Variants in C1orf105 observed in about 807,000 individuals in gnomAD.
C1orf105 encodes the protein chromosome 1 open reading frame 105.
In C1orf105, 17 loss-of-function variants were observed where a neutral mutation model predicts 20.8. The observed-to-expected ratio is 0.82, with a 90% CI of 0.56 to 1.23. C1orf105 has a LOEUF of 1.23. C1orf105 is among the 50% of genes most tolerant of loss of function. The pLI, the probability that C1orf105 is intolerant of heterozygous loss-of-function variation, is 0.00. For synonymous variants in C1orf105, 72 were observed against 72.1 expected, an observed-to-expected ratio of 1.00 and a Z score of 0.01; for missense variants, 219 against 213.5, an observed-to-expected ratio of 1.03 and a Z score of -0.16.
intron 1 of C1orf105, chr1:172,441,738 G>A: frequency 6.5e-7 from 1 of 1,543,254 alleles, no homozygotes. Context: ...TTTAACTGAG[G>A]AACCTGGACA....
At chr1:172,448,178 G>A (rs1327432050) in intron 2 of C1orf105, among the ~76,000 whole-genome samples, 3 of 152,216 alleles carry the variant, frequency 2.0e-5, no homozygotes, top group Non-Finnish European at 4.4e-5. Flanking sequence ...ATCTACTGTT[G>A]TGAACAATCT....
rs200105210 is a variant in C1orf105, at chr1:172,442,178, T to C, written c.22-2895T>C. ...AGCATGAAGACTGACATGGCATAGATGGTGTCAGTGCTGACAGACTCTGTA... is the reference window on the plus strand; with the variant it reads ...AGCATGAAGACTGACATGGCATAGACGGTGTCAGTGCTGACAGACTCTGTA... On this transcript the variant is annotated intron_variant, in intron 1 of 6. Transcript: ENST00000367727. 2.8e-4 allele frequency: 453 copies of C among 1,613,800 alleles called. 1 individual carries two copies. The highest frequency in any genetic ancestry group is 3.5e-4 in the Non-Finnish European group (417 of 1,179,770).
At chr1:172,456,579 C>T (rs185582434) in intron 4 of C1orf105, 90 bp downstream of exon 4, 24 of 1,294,502 alleles carry the variant, frequency 1.9e-5, no homozygotes, top group South Asian at 6.2e-5. Flanking sequence ...GAGATAGTGA[C>T]GGGGCCCGTT....
chr1:172,456,653 G>A (rs1331853553), intron 4 of C1orf105, among the ~76,000 whole-genome samples, 164 bp downstream of exon 4: 2 of 152,206 alleles, frequency 1.3e-5, no homozygotes, highest in Non-Finnish European at 2.9e-5. Flanking sequence ...AGCATCGACT[G>A]ACAGAACATG....
intron 3 of C1orf105, among the ~76,000 whole-genome samples, chr1:172,454,375 T>C (rs953112916): frequency 2.6e-5 from 4 of 151,700 alleles, no homozygotes; most frequent in Admixed American, 2.6e-4. Context: ...GTTTCAGAAA[T>C]GTACCTCACT....
intron 2 of C1orf105, 146 bp downstream of exon 2, chr1:172,445,304 G>A (rs74126218): frequency 0.021 from 14,803 of 703,322 alleles, 212 homozygotes; most frequent in African/African-American, 0.04. Flanking sequence ...GAAATAATCC[G>A]GGTTTCTCAG....
chr1:172,454,317 G>A (rs918855858), intron 3 of C1orf105, among the ~76,000 whole-genome samples: 3 of 151,456 alleles, frequency 2.0e-5, no homozygotes, highest in Non-Finnish European at 4.4e-5. Flanking sequence ...AGGCACAGAG[G>A]TATTAGTGCC....
intron 4 of C1orf105, among the ~76,000 whole-genome samples, chr1:172,461,554 T>A (rs1417016979): frequency 1.3e-5 from 2 of 152,242 alleles, no homozygotes; most frequent in African/African-American, 4.8e-5. Context: ...AAGAAAGTGA[T>A]GTTTCTTAAC....
chr1:172,434,395 C>T (rs1180418685), intron 1 of C1orf105, among the ~76,000 whole-genome samples: 2 of 152,304 alleles, frequency 1.3e-5, no homozygotes, highest in Admixed American at 6.5e-5. Flanking sequence ...GAAATCACAA[C>T]AAACTGTCTC....
At chr1:172,465,255 C>T in intron 5 of C1orf105, 44 bp from the exon 6 acceptor site, 2 of 1,266,530 alleles carry the variant, frequency 1.6e-6, no homozygotes, top group Non-Finnish European at 2.3e-6. Context: ...TTCTACCAAG[C>T]CCTAGCCAAT....
At chr1:172,446,695 C>T (rs1044840452) in intron 2 of C1orf105, among the ~76,000 whole-genome samples, 1 of 152,190 alleles carries the variant, frequency 6.6e-6, no homozygotes, top group African/African-American at 2.4e-5. Context: ...ATTACACAAG[C>T]CTTTGGCAGA....
intron 3 of C1orf105, among the ~76,000 whole-genome samples, chr1:172,453,683 T>G (rs1433646099): frequency 6.6e-6 from 1 of 152,202 alleles, no homozygotes; most frequent in Non-Finnish European, 1.5e-5. Context: ...TGCTCTTAAA[T>G]ATAATAACTC....
chr1:172,433,546 C>T (rs2071938125), intron 1 of C1orf105, among the ~76,000 whole-genome samples: 1 of 152,152 alleles, frequency 6.6e-6, no homozygotes, highest in African/African-American at 2.4e-5. Context: ...TACGGACAAA[C>T]AAATGCTGAG....
Position 172,445,166 on chromosome 1 carries a change from C to G in C1orf105, c.107+8C>G, listed in dbSNP as rs1223622663. On this transcript the variant is annotated splice_region_variant and intron_variant, in intron 2 of 6. Transcript: ENST00000367727. ...GCTCAGCCTTCCCAGAAGGTAACCT[C>G]TCAGCCACCGAGGGCAAAAGTTTTA... 1 of 1,605,976 alleles carries G rather than the reference C, an allele frequency of 6.2e-7. No individual in the cohort carries two copies. Among genetic ancestry groups the G allele is most frequent in the Admixed American group, 1.7e-5 (1 of 58,628 alleles).
chr1:172,463,038 A>AAC (rs1649807261), intron 5 of C1orf105, among the ~76,000 whole-genome samples: 1 of 152,042 alleles, frequency 6.6e-6, no homozygotes, highest in African/African-American at 2.4e-5. Flanking sequence ...CGGCCTCCCA[A>AAC]ATTGCTGTGA....
At chr1:172,426,271 A>G (rs2071719617) in intron 1 of C1orf105, among the ~76,000 whole-genome samples, 1 of 152,118 alleles carries the variant, frequency 6.6e-6, no homozygotes, top group Non-Finnish European at 1.5e-5. Context: ...GAAGTGGGGT[A>G]GTTATCCTCA....
At chr1:172,459,906 A>T (rs1165410196) in intron 4 of C1orf105, among the ~76,000 whole-genome samples, 1 of 152,236 alleles carries the variant, frequency 6.6e-6, no homozygotes, top group Non-Finnish European at 1.5e-5. Context: ...AACATGGATG[A>T]ACCTTGAAAA....
chr1:172,423,803 A>G (rs998292149), intron 1 of C1orf105, among the ~76,000 whole-genome samples: 6 of 151,980 alleles, frequency 3.9e-5, no homozygotes, highest in Admixed American at 3.9e-4. Context: ...GAAATTCTGG[A>G]GTTGAAAAAT....
At chr1:172,446,163 G>A (rs968236272) in intron 2 of C1orf105, among the ~76,000 whole-genome samples, 24 of 152,038 alleles carry the variant, frequency 1.6e-4, no homozygotes, top group African/African-American at 4.6e-4. Flanking sequence ...TCAAGTGCTC[G>A]TTATTCAGTT....
Sources: allele counts gnomAD v4.1 joint callset (sites outside exome capture counted in the v4.1 genomes callset), GRCh38; gene constraint gnomAD v4.1.1; transcripts MANE v1.5; gene names NCBI Gene and HGNC (gene_info 2026-07-23, HGNC 2026-07-21).